RAD51B: variants seen among roughly 807,000 people sequenced by gnomAD.
RAD51B encodes DNA repair protein RAD51 homolog 2.
Under a neutral mutation model 42.2 loss-of-function variants are expected in RAD51B, and 38 were observed. The ratio of observed to expected loss-of-function variants is 0.90; its 90% CI spans 0.70 to 1.18. The LOEUF (loss-of-function observed/expected upper bound fraction) is 1.18, where lower values mean the gene tolerates loss of function less well. Ranked by LOEUF, RAD51B falls within the 50% of genes most tolerant of loss-of-function variation. The pLI is 0.00. For synonymous variants in RAD51B, 154 were observed against 145.2 expected (o/e 1.06, Z -0.43); for missense variants, 373 against 400.7 (o/e 0.93, Z 0.59).
At chr14:68,137,118 A>G (rs949166430) in intron 7 of RAD51B, among the ~76,000 whole-genome samples, 5 of 152,180 alleles carry the variant, frequency 3.3e-5, no homozygotes, top group African/African-American at 1.2e-4. Context: ...TCTACTAAAA[A>G]TACAAAAATT....
intron 10 of RAD51B, among the ~76,000 whole-genome samples, chr14:68,632,061 G>T (rs953053669): frequency 2.0e-5 from 3 of 152,156 alleles, no homozygotes; most frequent in Admixed American, 6.5e-5. Flanking sequence ...TTTGCATCAT[G>T]CGCCAGGCAT....
At chr14:67,902,666 ACT>A (rs891332214) in intron 7 of RAD51B, among the ~76,000 whole-genome samples, 2 of 152,182 alleles carry the variant, frequency 1.3e-5, no homozygotes, top group Middle Eastern at 3.4e-3. Context: ...GCAGTGATGA[ACT>A]CTATCCACTA....
intron 11 of RAD51B, among the ~76,000 whole-genome samples, chr14:68,673,564 GCA>G (rs891312196): frequency 2.7e-5 from 4 of 149,098 alleles, no homozygotes; most frequent in African/African-American, 1.0e-4. Flanking sequence ...ACATATGTAT[GCA>G]CACACATACA....
At chr14:68,286,419 A>G (rs1488607694) in intron 7 of RAD51B, among the ~76,000 whole-genome samples, 1 of 152,190 alleles carries the variant, frequency 6.6e-6, no homozygotes, top group Non-Finnish European at 1.5e-5. Flanking sequence ...CTGCTGACCA[A>G]ACAGGACCAG....
intron 7 of RAD51B, among the ~76,000 whole-genome samples, chr14:67,889,582 T>C (rs576156685): frequency 1.1e-4 from 16 of 146,872 alleles, no homozygotes; most frequent in Non-Finnish European, 1.8e-4. Flanking sequence ...ATTCAGCTTT[T>C]CCCCCCCTTT....
chr14:68,461,919 T>C (rs1382949743), intron 9 of RAD51B, among the ~76,000 whole-genome samples: 3 of 152,174 alleles, frequency 2.0e-5, no homozygotes, highest in South Asian at 2.1e-4. Flanking sequence ...TACTTGTCAT[T>C]GGAGAGAAAC....
intron 7 of RAD51B, among the ~76,000 whole-genome samples, chr14:67,918,733 C>G (rs139844533): frequency 6.6e-6 from 1 of 152,268 alleles, no homozygotes; most frequent in African/African-American, 2.4e-5. Flanking sequence ...TAACTCAAAA[C>G]TAACACTGGA....
chr14:68,280,383 C>A (rs1268660592), intron 7 of RAD51B, among the ~76,000 whole-genome samples: 1 of 152,156 alleles, frequency 6.6e-6, no homozygotes, highest in Non-Finnish European at 1.5e-5. Flanking sequence ...TATTGAGAAC[C>A]TTTTTATGTG....
At chr14:68,182,179 T>C in intron 7 of RAD51B, among the ~76,000 whole-genome samples, 1 of 152,236 alleles carries the variant, frequency 6.6e-6, no homozygotes, top group East Asian at 1.9e-4. Flanking sequence ...TGTGCTTCAA[T>C]TTAGAAGTTC....
At chr14:68,039,694 T>G (rs902544683) in intron 7 of RAD51B, among the ~76,000 whole-genome samples, 4 of 152,206 alleles carry the variant, frequency 2.6e-5, no homozygotes, top group Admixed American at 6.5e-5. Flanking sequence ...CATCAGACAT[T>G]AGATGCTACA....
intron 7 of RAD51B, among the ~76,000 whole-genome samples, chr14:68,253,850 C>T (rs2080693962): frequency 6.6e-6 from 1 of 152,210 alleles, no homozygotes; most frequent in African/African-American, 2.4e-5. Context: ...CTCTTACTCA[C>T]TAAATATATT....
At chr14:68,097,668 G>A (rs1420208101) in intron 7 of RAD51B, among the ~76,000 whole-genome samples, 2 of 152,076 alleles carry the variant, frequency 1.3e-5, no homozygotes, top group Non-Finnish European at 2.9e-5. Context: ...ATGAATACAG[G>A]GATGAGTTTT....
rs146518606 is a variant in RAD51B at position 68,515,748 on chromosome 14, ATTTCTTTC to A, written c.1036+47514_1036+47521del. Among the ~76,000 whole-genome samples, 82 of 135,364 alleles carry A rather than the reference ATTTCTTTC, an allele frequency of 6.1e-4. 1 individual carries two copies. The East Asian group carries it at 0.015, about 25-fold the overall frequency. The allele number at this position is 135,364 out of a possible 152,430, so 88.8% of individuals were successfully genotyped here. A position where few individuals can be genotyped will look rare whatever the true frequency, so the allele number is the denominator to read the frequency against. On this transcript the variant is annotated intron_variant, in intron 10 of 10. Coordinates refer to the RAD51B transcript ENST00000487270. ...AGGTATGAGCCACCCAGGTGAACCA[ATTTCTTTC>A]TTTCTTTCTTTCTTTTCTTTTCTTT...
chr14:68,504,662 CTTTTTTTT>C (rs57967320), intron 10 of RAD51B, among the ~76,000 whole-genome samples: 15,510 of 91,574 alleles, frequency 0.17, 945 homozygotes, highest in Middle Eastern at 0.34. Flanking sequence ...TTTTTTCTTT[CTTTTTTTT>C]TTTTTTTTTT....
chr14:68,087,984 A>G (rs1168468177), intron 7 of RAD51B, among the ~76,000 whole-genome samples: 2 of 128,354 alleles, frequency 1.6e-5, no homozygotes, highest in African/African-American at 6.0e-5. Context: ...ATATAATTAT[A>G]TAATATATTA....
At chr14:68,340,044 A>G (rs1222276558) in intron 8 of RAD51B, among the ~76,000 whole-genome samples, 1 of 152,254 alleles carries the variant, frequency 6.6e-6, no homozygotes, top group Non-Finnish European at 1.5e-5. Flanking sequence ...GAGGAATGTA[A>G]CATAGTGCCT....
chr14:68,473,754 A>G (rs1471896094), intron 10 of RAD51B, among the ~76,000 whole-genome samples: 2 of 151,742 alleles, frequency 1.3e-5, no homozygotes, highest in African/African-American at 4.8e-5. Context: ...AAACTTTAGG[A>G]CTCCTTTGTA....
chr14:68,202,815 C>T (rs2079516636), intron 7 of RAD51B, among the ~76,000 whole-genome samples: 3 of 152,028 alleles, frequency 2.0e-5, no homozygotes, highest in African/African-American at 7.3e-5. Flanking sequence ...CTCCCAACCT[C>T]AGGTGATCTG....
intron 7 of RAD51B, among the ~76,000 whole-genome samples, chr14:68,079,596 C>A (rs943289903): frequency 3.3e-5 from 5 of 152,060 alleles, no homozygotes; most frequent in Non-Finnish European, 7.4e-5. Flanking sequence ...AATGAGCCTG[C>A]CTTTCAAATG....
Sources: allele counts gnomAD v4.1 joint callset (sites outside exome capture counted in the v4.1 genomes callset), GRCh38; gene constraint gnomAD v4.1.1; transcripts MANE v1.5; gene names NCBI Gene and HGNC (gene_info 2026-07-23, HGNC 2026-07-21).